The following MTDH variants were observed in gnomAD, a reference collection of about 807,000 sequenced individuals.
MTDH encodes the protein protein LYRIC.
In MTDH, 34 loss-of-function variants were observed where a neutral mutation model predicts 72.7. The observed-to-expected ratio is 0.47, with a 90% CI of 0.36 to 0.62. The LOEUF is 0.62. Among genes scored for constraint, MTDH ranks in the 20% least tolerant of loss-of-function variants. The pLI is 0.00. For missense variants in MTDH, 677 were observed against 699.4 expected (o/e 0.97, Z 0.36); for synonymous variants, 266 against 268.9 (o/e 0.99, Z 0.10).
At chr8:97,718,329 C>G (rs1392209699) in intron 9 of MTDH, among the ~76,000 whole-genome samples, 1 of 152,256 alleles carries the variant, frequency 6.6e-6, no homozygotes. Flanking sequence ...AGGCGTGAGC[C>G]ACTGCCAAAT....
chr8:97,716,278 C>T (rs926448664), intron 9 of MTDH, among the ~76,000 whole-genome samples: 1 of 151,854 alleles, frequency 6.6e-6, no homozygotes, highest in East Asian at 1.9e-4. Context: ...CCCAGCTACT[C>T]GGGAGGCTGA....
chr8:97,669,153 T>A (rs1468849558), intron 2 of MTDH, among the ~76,000 whole-genome samples: 1 of 152,186 alleles, frequency 6.6e-6, no homozygotes, highest in African/African-American at 2.4e-5. Context: ...ATCACCACAA[T>A]CTAATTTTTT....
chr8:97,684,579 A>G (rs930066390), intron 2 of MTDH, among the ~76,000 whole-genome samples: 9 of 152,210 alleles, frequency 5.9e-5, no homozygotes, highest in African/African-American at 2.2e-4. Context: ...GCAAAGCCTA[A>G]CATATTTACT....
chr8:97,667,570 G>A (rs1272809619), intron 2 of MTDH, among the ~76,000 whole-genome samples: 4 of 152,164 alleles, frequency 2.6e-5, no homozygotes, highest in Admixed American at 2.6e-4. Context: ...TAGACAAGCC[G>A]TGATTATTCA....
rs71271144 is a variant in MTDH, at chr8:97,683,045, CTTTTTTTTTTTTTTTTTT to C, written c.484-3603_484-3586del. Among the ~76,000 whole-genome samples, 37 of 44,386 alleles carry C rather than the reference CTTTTTTTTTTTTTTTTTT, an allele frequency of 8.3e-4. No individual in the cohort carries two copies. The South Asian group carries it at 9.2e-3, about 11-fold the overall frequency. 29.1% of individuals were successfully genotyped at this position (44,386 alleles called of 152,430 possible). On this transcript the variant is annotated intron_variant, in intron 2 of 11. Coordinates refer to ENST00000336273, the MANE Select transcript of MTDH (RefSeq NM_178812.4). Reference sequence around the variant, plus strand: ...CTTTACCCTATGATGCTCTTAGACACTTTTTTTTTTTTTTTTTTTTTTTTTTTTTTTTTTTTTGAGATG... The same window carrying C: ...CTTTACCCTATGATGCTCTTAGACACTTTTTTTTTTTTTTTTTTTGAGATG...
rs1469580356 is a variant in MTDH, at chr8:97,718,990, A to T, written c.1381-59A>T. On this transcript the variant is annotated intron_variant, in intron 9 of 11. Transcript: ENST00000336273. Reference sequence around the variant, plus strand: ...GGATTACAGCCATACACCACCATAGATTTTAATTAATGAAGAATGAATGCT... The same window carrying T: ...GGATTACAGCCATACACCACCATAGTTTTTAATTAATGAAGAATGAATGCT... The T allele has an allele frequency of 2.7e-6, 4 of 1,482,000 alleles. No individual in the cohort carries two copies. The Admixed American group carries it at 8.4e-5, about 31-fold the overall frequency. 91.8% of individuals were successfully genotyped at this position (1,482,000 alleles called of 1,614,324 possible). A position where few individuals can be genotyped will look rare whatever the true frequency, so the allele number is the denominator to read the frequency against.
At chr8:97,708,556 A>G (rs533099805) in intron 8 of MTDH, among the ~76,000 whole-genome samples, 26 of 110,628 alleles carry the variant, frequency 2.4e-4, no homozygotes, top group African/African-American at 9.8e-4. Flanking sequence ...TGCTGGGATT[A>G]CAGGCATGAG....
intron 10 of MTDH, 76 bp downstream of exon 10, chr8:97,719,265 TG>T (rs1472971756): frequency 6.7e-7 from 1 of 1,487,486 alleles, no homozygotes; most frequent in East Asian, 2.3e-5. Flanking sequence ...GAGGCCAAGG[TG>T]GGCAGGTCAT....
At chr8:97,657,178 T>TG (rs1812012598) in intron 1 of MTDH, among the ~76,000 whole-genome samples, 1 of 152,018 alleles carries the variant, frequency 6.6e-6, no homozygotes, top group South Asian at 2.1e-4. Context: ...GATCCAGGTG[T>TG]GGGGGTCGAA....
rs370648845 is a variant in MTDH at position 97,722,972 on chromosome 8, A to G, written c.1615A>G (p.Ile539Val). 5.5e-5 allele frequency: 88 copies of G among 1,614,080 alleles called. No homozygotes were observed. Among genetic ancestry groups the G allele is most frequent in the African/African-American group, 8.0e-5 (6 of 74,956 alleles). Residue 539 changes from isoleucine (I) to valine (V), a missense_variant, in exon 11 of 12, where the codon ATA becomes GTA. Coordinates refer to ENST00000336273, the MANE Select transcript of MTDH (RefSeq NM_178812.4). ...CAAGAGCTCTTCCCAAGTGCCGCCA[A>G]TACTACAAGAGACAGATAAATCCAA... ...SDKSSSQVPP[I>V]LQETDKSKSN...
At chr8:97,699,876 G>A in intron 7 of MTDH, 24 bp downstream of exon 7, 1 of 1,509,410 alleles carries the variant, frequency 6.6e-7, no homozygotes, top group Non-Finnish European at 9.1e-7. Flanking sequence ...AAAATTATCA[G>A]TTATTTTTTT....
Position 97,706,539 on chromosome 8 carries a change from C to T in MTDH, c.1148-87C>T, listed in dbSNP as rs1054346810. Reference sequence around the variant, plus strand: ...ACAGAACAATAACTTAAAATTACAGCTTAGTTGAACATAAGGAATTTTTAG... The same window carrying T: ...ACAGAACAATAACTTAAAATTACAGTTTAGTTGAACATAAGGAATTTTTAG... On this transcript the variant is annotated intron_variant, in intron 7 of 11. Transcript: ENST00000336273. 15 of 1,273,548 alleles carry T rather than the reference C, an allele frequency of 1.2e-5. No individual in the cohort carries two copies. The African/African-American group carries it at 1.7e-4, about 14-fold the overall frequency. 78.9% of individuals were successfully genotyped at this position (1,273,548 alleles called of 1,614,324 possible).
At chr8:97,653,067 C>T (rs187714834) in intron 1 of MTDH, among the ~76,000 whole-genome samples, 257 of 150,950 alleles carry the variant, frequency 1.7e-3, no homozygotes, top group African/African-American at 5.4e-3. Flanking sequence ...TGCAGTGAGC[C>T]GAGATCGCAC....
At chr8:97,706,511 G>T (rs1814358133) in intron 7 of MTDH, 115 bp from the exon 8 acceptor site, 1 of 984,258 alleles carries the variant, frequency 1.0e-6, no homozygotes, top group Non-Finnish European at 1.4e-6. Flanking sequence ...ATGTGCTTGG[G>T]AGACAGAACA....
At position 97,644,518 on chromosome 8, in the gene MTDH, G is replaced by A. The variant is rs778547674; in HGVS notation, c.12G>A (p.Arg4=). 2.5e-6 allele frequency: 4 copies of A among 1,588,264 alleles called. No homozygotes were observed. Among genetic ancestry groups the A allele is most frequent in the Non-Finnish European group, 3.4e-6 (4 of 1,173,114 alleles). Residue 4 remains arginine, a synonymous_variant, in exon 1 of 12, where the codon CGG becomes CGA. Coordinates refer to ENST00000336273, the MANE Select transcript of MTDH (RefSeq NM_178812.4). ...TGACGGGAGGGAAGATGGCTGCACG[G>A]AGCTGGCAGGACGAGCTGGCCCAGC... is the stretch of plus-strand genomic sequence containing the variant. MAA[R]SWQDELAQQA...
chr8:97,680,253 G>C (rs976679682), intron 2 of MTDH, among the ~76,000 whole-genome samples: 1 of 152,072 alleles, frequency 6.6e-6, no homozygotes, highest in East Asian at 1.9e-4. Flanking sequence ...TTTATTTTTT[G>C]TAGAGACACA....
chr8:97,654,228 A>C (rs1350720509), intron 1 of MTDH, among the ~76,000 whole-genome samples: 2 of 152,224 alleles, frequency 1.3e-5, no homozygotes, highest in Non-Finnish European at 2.9e-5. Context: ...AGTTATTAAG[A>C]GTTTGAAATT....
At position 97,673,001 on chromosome 8, in the gene MTDH, G is replaced by A. The variant is rs115827857; in HGVS notation, c.483+11828G>A. Among the ~76,000 whole-genome samples the A allele has an allele frequency of 5.4e-3, 816 of 152,252 alleles. 5 individuals carry two copies. Among genetic ancestry groups the A allele is most frequent in the African/African-American group, 0.017 (716 of 41,552 alleles). ...GAGGTTTTATTTGAGTGGAGGGACCGAATAAGAGTTAGGTAGACACGGCTG... is the reference window on the plus strand; with the variant it reads ...GAGGTTTTATTTGAGTGGAGGGACCAAATAAGAGTTAGGTAGACACGGCTG... On this transcript the variant is annotated intron_variant, in intron 2 of 11. Transcript: ENST00000336273.
At chr8:97,711,501 A>C (rs1814634560) in intron 8 of MTDH, among the ~76,000 whole-genome samples, 1 of 151,942 alleles carries the variant, frequency 6.6e-6, no homozygotes, top group Non-Finnish European at 1.5e-5. Context: ...AAAACAAACA[A>C]AACAAGGCAG....
Sources: allele counts gnomAD v4.1 joint callset (sites outside exome capture counted in the v4.1 genomes callset), GRCh38; gene constraint gnomAD v4.1.1; transcripts MANE v1.5; gene names NCBI Gene and HGNC (gene_info 2026-07-23, HGNC 2026-07-21).